The following EPB41L2 variants were observed in gnomAD, a reference collection of about 807,000 sequenced individuals.
The protein encoded by EPB41L2 is erythrocyte membrane protein band 4.1 like 2, also known as band 4.1-like protein 2.
A neutral mutation model predicts 113.0 loss-of-function variants in EPB41L2; 43 were observed. The ratio of observed to expected loss-of-function variants is 0.38; its 90% CI spans 0.30 to 0.49. The LOEUF is 0.49. Among genes scored for constraint, EPB41L2 ranks in the 20% least tolerant of loss-of-function variants. EPB41L2 has a pLI of 0.95. For synonymous variants in EPB41L2, 442 were observed against 436.7 expected (o/e 1.01, Z -0.15); for missense variants, 1,147 against 1,223.4 (o/e 0.94, Z 0.93).
chr6:130,840,814 C>T (rs775851486), intron 19 of EPB41L2, among the ~76,000 whole-genome samples: 2 of 152,020 alleles, frequency 1.3e-5, no homozygotes, highest in African/African-American at 2.4e-5. Context: ...TTGACAAGTA[C>T]GCTAGAAGCA....
At chr6:131,052,196 C>T (rs934955036) in intron 1 of EPB41L2, among the ~76,000 whole-genome samples, 4 of 152,106 alleles carry the variant, frequency 2.6e-5, no homozygotes, top group South Asian at 2.1e-4. Flanking sequence ...CTCAGCCTCC[C>T]GAAGTGCTAA....
chr6:130,993,276 A>G (rs188199982), intron 1 of EPB41L2, among the ~76,000 whole-genome samples: 1 of 152,184 alleles, frequency 6.6e-6, no homozygotes, highest in African/African-American at 2.4e-5. Context: ...AATGACATCT[A>G]GTGGCTATAG....
chr6:131,032,355 C>A (rs1336464018), intron 1 of EPB41L2, among the ~76,000 whole-genome samples: 3 of 152,066 alleles, frequency 2.0e-5, no homozygotes, highest in Non-Finnish European at 4.4e-5. Context: ...AATTTTGGTT[C>A]TTTTAAAGAC....
At chr6:130,969,985 G>A (rs1283599463) in intron 1 of EPB41L2, among the ~76,000 whole-genome samples, 1 of 152,122 alleles carries the variant, frequency 6.6e-6, no homozygotes, top group African/African-American at 2.4e-5. Context: ...CCTGACAAAA[G>A]TCAACATTTG....
chr6:130,872,346 A>G, intron 14 of EPB41L2: 2 of 1,269,340 alleles, frequency 1.6e-6, no homozygotes, highest in Non-Finnish European at 1.0e-6. Context: ...GCTTTTAGTA[A>G]CAGGGGAAAC....
At chr6:131,023,758 T>G (rs1562754116) in intron 1 of EPB41L2, among the ~76,000 whole-genome samples, 1 of 63,902 alleles carries the variant, frequency 1.6e-5, no homozygotes, top group African/African-American at 6.6e-5. Context: ...TATATATAGA[T>G]ATATAGATAT....
intron 1 of EPB41L2, among the ~76,000 whole-genome samples, chr6:131,041,940 C>T (rs1036034178): frequency 1.3e-5 from 2 of 152,094 alleles, no homozygotes; most frequent in African/African-American, 4.8e-5. Context: ...GATGTAACAA[C>T]AGTATTGTGG....
At chr6:131,044,621 T>C (rs1346912464) in intron 1 of EPB41L2, among the ~76,000 whole-genome samples, 2 of 152,126 alleles carry the variant, frequency 1.3e-5, no homozygotes, top group Non-Finnish European at 2.9e-5. Context: ...TCCCACCCAG[T>C]GAATCTTCCT....
rs537452950 is a variant in EPB41L2, at chr6:130,931,846, G to C, written c.706-5137C>G. Among the ~76,000 whole-genome samples the C allele has an allele frequency of 3.9e-5, 6 of 151,958 alleles. No individual in the cohort carries two copies. In the South Asian group the frequency reaches 8.3e-4, roughly 21 times the overall value. ...GAGAATCACCAATTCTTAACAATACGGAAGAAAAGTACTGCAGTATAATCA... is the reference window on the plus strand; with the variant it reads ...GAGAATCACCAATTCTTAACAATACCGAAGAAAAGTACTGCAGTATAATCA... On this transcript the variant is annotated intron_variant, in intron 3 of 19. Coordinates refer to ENST00000337057, the MANE Select transcript of EPB41L2 (RefSeq NM_001431.4).
chr6:131,004,436 C>T (rs1785008685), intron 1 of EPB41L2, among the ~76,000 whole-genome samples: 1 of 152,190 alleles, frequency 6.6e-6, no homozygotes, highest in Admixed American at 6.5e-5. Context: ...TCTCTCTTCA[C>T]AGAAACAGTC....
chr6:130,891,733 C>A (rs540685571), intron 10 of EPB41L2, among the ~76,000 whole-genome samples: 10 of 152,336 alleles, frequency 6.6e-5, no homozygotes, highest in Admixed American at 2.0e-4. Context: ...CAGGCATGAG[C>A]CACTGTGCCC....
chr6:130,869,597 A>G lies in EPB41L2; in HGVS notation c.2573T>C (p.Ile858Thr), dbSNP rs1042703599. 1 of 1,614,128 alleles carries G rather than the reference A, an allele frequency of 6.2e-7. No homozygotes were observed. The part of the protein sequence containing the change: ...KVNGEVSHVD[I>T]DVLPQIICCS... ...ACAAATAATTTGTGGCAAAACATCAATGTCAACATGGGACACCTCTCCGTT... is the reference window on the plus strand; with the variant it reads ...ACAAATAATTTGTGGCAAAACATCAGTGTCAACATGGGACACCTCTCCGTT... Residue 858 changes from isoleucine (I) to threonine (T), a missense_variant, in exon 15 of 20, where the codon ATT (isoleucine) becomes ACT (threonine). By Grantham distance (89) the Ile-to-Thr change is moderately conservative. Transcript: ENST00000337057.
At chr6:131,062,204 A>AT (rs943691859) in intron 1 of EPB41L2, among the ~76,000 whole-genome samples, 5 of 131,764 alleles carry the variant, frequency 3.8e-5, no homozygotes, top group South Asian at 2.7e-4. Flanking sequence ...ACATATATAT[A>AT]AAAAAAAAAA....
At chr6:130,927,111 C>T (rs1369746372) in intron 3 of EPB41L2, among the ~76,000 whole-genome samples, 1 of 152,118 alleles carries the variant, frequency 6.6e-6, no homozygotes, top group Non-Finnish European at 1.5e-5. Flanking sequence ...TCAGTAGATC[C>T]TAACATAATT....
chr6:130,957,423 C>T (rs892571997), intron 1 of EPB41L2, among the ~76,000 whole-genome samples: 1 of 152,204 alleles, frequency 6.6e-6, no homozygotes, highest in Non-Finnish European at 1.5e-5. Flanking sequence ...CACATTCGCT[C>T]TCCCCTCCCT....
intron 17 of EPB41L2, among the ~76,000 whole-genome samples, chr6:130,864,901 A>G (rs1783233207): frequency 6.6e-6 from 1 of 152,230 alleles, no homozygotes; most frequent in Non-Finnish European, 1.5e-5. Context: ...ATAAGGCTGG[A>G]GTTAGAAAGC....
chr6:130,954,091 C>T (rs1483945903), intron 3 of EPB41L2, among the ~76,000 whole-genome samples: 5 of 97,560 alleles, frequency 5.1e-5, no homozygotes, highest in Admixed American at 1.6e-4. Context: ...CTCGCTCTGT[C>T]GCCCAGGCTG....
Position 130,845,205 on chromosome 6 carries a change from C to T in EPB41L2, c.*6-4607G>A, listed in dbSNP as rs1467539899. 2.0e-5 allele frequency among the ~76,000 whole-genome samples: 3 copies of T among 152,218 alleles called. No homozygotes were observed. The East Asian group carries it at 5.8e-4, about 29-fold the overall frequency. ...GCAGCCCCTGAGGACTGCTGAGTCT[C>T]TTTAAGGGGACCATAGAGTCAAAAC... On this transcript the variant is annotated intron_variant, in intron 19 of 19. Coordinates refer to ENST00000337057, the MANE Select transcript of EPB41L2 (RefSeq NM_001431.4).
intron 9 of EPB41L2, 150 bp downstream of exon 9, chr6:130,894,817 C>T (rs750570110): frequency 1.1e-6 from 1 of 883,030 alleles, no homozygotes; most frequent in Non-Finnish European, 1.6e-6. Flanking sequence ...ATATATACTG[C>T]AATTTTACCA....
Sources: allele counts gnomAD v4.1 joint callset (sites outside exome capture counted in the v4.1 genomes callset), GRCh38; gene constraint gnomAD v4.1.1; transcripts MANE v1.5; gene names NCBI Gene and HGNC (gene_info 2026-07-23, HGNC 2026-07-21).